ARHGEF26: variants seen among roughly 807,000 people sequenced by gnomAD.
ARHGEF26 encodes Rho guanine nucleotide exchange factor (GEF) 26.
Under a neutral mutation model 89.4 loss-of-function variants are expected in ARHGEF26, and 59 were observed. That is an observed-to-expected ratio of 0.66 (90% CI 0.54 to 0.82). The LOEUF is 0.82. ARHGEF26 is among the 40% of genes least tolerant of loss of function. The pLI is 0.00. For synonymous variants in ARHGEF26, 500 were observed against 428.4 expected (o/e 1.17, Z -2.06); for missense variants, 1,234 against 1,085.6 (o/e 1.14, Z -1.92).
At chr3:154,178,232 A>G (rs1244082562) in intron 6 of ARHGEF26, among the ~76,000 whole-genome samples, 1 of 152,142 alleles carries the variant, frequency 6.6e-6, no homozygotes, top group East Asian at 1.9e-4. Context: ...AAATAAAAAT[A>G]AAAGCTTTAT....
chr3:154,196,886 GAAA>G (rs199937762), intron 9 of ARHGEF26, among the ~76,000 whole-genome samples: 1 of 138,528 alleles, frequency 7.2e-6, no homozygotes, highest in Non-Finnish European at 1.6e-5. Context: ...CTAAGAAATT[GAAA>G]AAAAAAAAGA....
At chr3:154,198,454 G>A (rs1315508707) in intron 9 of ARHGEF26, among the ~76,000 whole-genome samples, 1 of 152,098 alleles carries the variant, frequency 6.6e-6, no homozygotes, top group Non-Finnish European at 1.5e-5. Context: ...ACAATTTGCA[G>A]TTGCAAAAAT....
chr3:154,257,099 G>T lies in ARHGEF26; in HGVS notation c.*1626G>T, dbSNP rs894157762. The T allele has an allele frequency of 8.1e-7, 1 of 1,236,966 alleles. No homozygotes were observed. The highest frequency in any genetic ancestry group is 1.1e-6 in the Non-Finnish European group (1 of 931,042). 76.6% of individuals were successfully genotyped at this position (1,236,966 alleles called of 1,614,324 possible). Reference sequence around the variant, plus strand: ...TTATCCAAATTGTAAAGCTACAGAAGCCCAGTTGAGGGGTAAGTGTGCCTG... The same window carrying T: ...TTATCCAAATTGTAAAGCTACAGAATCCCAGTTGAGGGGTAAGTGTGCCTG... On this transcript the variant is annotated 3_prime_UTR_variant, in exon 15 of 15. Coordinates refer to ENST00000465093, the MANE Select transcript of ARHGEF26 (RefSeq NM_015595.4).
chr3:154,178,019 C>T (rs765085562), intron 6 of ARHGEF26, among the ~76,000 whole-genome samples: 27 of 151,980 alleles, frequency 1.8e-4, no homozygotes, highest in Non-Finnish European at 3.8e-4. Flanking sequence ...GCCTGGCCAA[C>T]CTGGTGAACC....
At position 154,150,757 on chromosome 3, in the gene ARHGEF26, T is replaced by C. The variant is rs546935989; in HGVS notation, c.1326+1312T>C. The stretch of plus-strand genomic sequence containing the variant: ...CCAAGATATTAATCCCATTTGAACA[T>C]TTTTGTTCTTTTAAACCTTATATAA... On this transcript the variant is annotated intron_variant, in intron 5 of 14. Coordinates refer to ENST00000465093, the MANE Select transcript of ARHGEF26 (RefSeq NM_015595.4). Among the ~76,000 whole-genome samples the C allele has an allele frequency of 2.6e-5, 4 of 152,296 alleles. No individual in the cohort carries two copies. The South Asian group carries it at 8.3e-4, about 32-fold the overall frequency.
intron 6 of ARHGEF26, among the ~76,000 whole-genome samples, chr3:154,155,424 C>T (rs934860726): frequency 6.6e-6 from 1 of 151,854 alleles, no homozygotes; most frequent in Non-Finnish European, 1.5e-5. Flanking sequence ...GAATTATCTG[C>T]TTAATAAGAA....
At chr3:154,227,520 A>C (rs1716567644) in intron 11 of ARHGEF26, among the ~76,000 whole-genome samples, 1 of 152,138 alleles carries the variant, frequency 6.6e-6, no homozygotes, top group South Asian at 2.1e-4. Flanking sequence ...TGACCTCGTG[A>C]TCTGCCTGCC....
At chr3:154,183,706 T>A (rs1448174285) in intron 6 of ARHGEF26, among the ~76,000 whole-genome samples, 1 of 152,202 alleles carries the variant, frequency 6.6e-6, no homozygotes, top group Non-Finnish European at 1.5e-5. Flanking sequence ...GGTGGGTGGT[T>A]TGGTTTATAT....
rs756726624 is a variant in ARHGEF26 at position 154,253,124 on chromosome 3, G to A, written c.2309G>A (p.Arg770Gln). 2.0e-5 allele frequency: 32 copies of A among 1,613,846 alleles called. No homozygotes were observed. In the East Asian group the frequency reaches 5.3e-4, roughly 27 times the overall value. ...TCTGCCCTCTGTTTTAGGAGCGAGC[G>A]AGCCCGCTGGATAACTGCCCTGGGA... ...MLLGAETQSE[R>Q]ARWITALGHS... Residue 770 changes from arginine to glutamine, a missense_variant, in exon 13 of 15, where the codon CGA becomes CAA. By Grantham distance (43) the Arg-to-Gln change is conservative. Coordinates refer to ENST00000465093, the MANE Select transcript of ARHGEF26 (RefSeq NM_015595.4).
At chr3:154,151,814 A>G (rs538156449) in intron 5 of ARHGEF26, among the ~76,000 whole-genome samples, 2 of 152,300 alleles carry the variant, frequency 1.3e-5, no homozygotes, top group South Asian at 2.1e-4. Context: ...ACCCAGCCAC[A>G]GTACCCTCTG....
chr3:154,205,658 T>C (rs1156657340), intron 9 of ARHGEF26, among the ~76,000 whole-genome samples: 1 of 152,178 alleles, frequency 6.6e-6, no homozygotes, highest in Non-Finnish European at 1.5e-5. Flanking sequence ...TTTTTATTTT[T>C]TGTGTTTAAG....
chr3:154,219,414 A>T (rs1295560131), intron 10 of ARHGEF26, among the ~76,000 whole-genome samples: 1 of 151,892 alleles, frequency 6.6e-6, no homozygotes, highest in African/African-American at 2.4e-5. Flanking sequence ...GACCAACGTG[A>T]TGAAACCCTG....
At position 154,206,052 on chromosome 3, in the gene ARHGEF26, G is replaced by A. The variant is rs545696126; in HGVS notation, c.1845+11334G>A. ...CTTTCTGATTGAAGTACTTCCTTTA[G>A]CATTTCTTGCAGGAAAGGTCTAGTG... On this transcript the variant is annotated intron_variant, in intron 9 of 14. Coordinates refer to ENST00000465093, the MANE Select transcript of ARHGEF26 (RefSeq NM_015595.4). Among the ~76,000 whole-genome samples the A allele has an allele frequency of 6.6e-5, 10 of 151,968 alleles. 1 individual carries two copies. The South Asian group carries it at 2.1e-3, about 32-fold the overall frequency.
intron 10 of ARHGEF26, among the ~76,000 whole-genome samples, chr3:154,219,026 C>T (rs1447663339): frequency 6.6e-6 from 1 of 152,112 alleles, no homozygotes; most frequent in Admixed American, 6.5e-5. Context: ...GGGTATTTGC[C>T]AAAAACCAGA....
At chr3:154,162,886 A>C (rs1350158889) in intron 6 of ARHGEF26, among the ~76,000 whole-genome samples, 5 of 152,228 alleles carry the variant, frequency 3.3e-5, no homozygotes, top group Non-Finnish European at 7.3e-5. Context: ...TATGATAATC[A>C]TACAAATGCA....
Position 154,257,015 on chromosome 3 carries a change from A to G in ARHGEF26, c.*1542A>G. The G allele has an allele frequency of 1.3e-6, 2 of 1,490,714 alleles. No individual in the cohort carries two copies. Among genetic ancestry groups the G allele is most frequent in the Non-Finnish European group, 1.8e-6 (2 of 1,127,076 alleles). 92.3% of individuals were successfully genotyped at this position (1,490,714 alleles called of 1,614,324 possible). The stretch of plus-strand genomic sequence containing the variant: ...AAAGGGATAAAACCTGGCAAAGTGT[A>G]CATTATTGGAGGACTCAAATCTGTA... On this transcript the variant is annotated 3_prime_UTR_variant, in exon 15 of 15. Transcript: ENST00000465093.
intron 7 of ARHGEF26, among the ~76,000 whole-genome samples, chr3:154,188,911 C>T (rs1214415784): frequency 1.3e-5 from 2 of 152,150 alleles, no homozygotes; most frequent in African/African-American, 4.8e-5. Flanking sequence ...GCACAATTGA[C>T]ATTTTGGACT....
chr3:154,122,430 C>G lies in ARHGEF26; in HGVS notation c.438C>G (p.Pro146=), dbSNP rs968027185. Residue 146 remains proline (P), a synonymous_variant, in exon 2 of 15, where the codon CCC becomes CCG. Coordinates refer to ENST00000465093, the MANE Select transcript of ARHGEF26 (RefSeq NM_015595.4). The part of the protein sequence containing the change: ...PAPPPPPVLR[P]PRTPNAPAPC... Reference sequence around the variant, plus strand: ...CGCCGCCGCCGCCGGTTCTGCGCCCCCCGCGGACTCCTAACGCGCCCGCCC... The same window carrying G: ...CGCCGCCGCCGCCGGTTCTGCGCCCGCCGCGGACTCCTAACGCGCCCGCCC... 2 of 1,611,232 alleles carry G rather than the reference C, an allele frequency of 1.2e-6. No individual in the cohort carries two copies. Among genetic ancestry groups the G allele is most frequent in the Non-Finnish European group, 1.7e-6 (2 of 1,179,088 alleles).
chr3:154,213,386 C>G (rs1715513336), intron 9 of ARHGEF26, among the ~76,000 whole-genome samples: 1 of 152,048 alleles, frequency 6.6e-6, no homozygotes, highest in African/African-American at 2.4e-5. Flanking sequence ...TCAATAAAAA[C>G]AGCAGAACAT....
Sources: gnomAD v4.1 joint callset for allele counts (sites outside exome capture counted in the v4.1 genomes callset) on GRCh38, gnomAD v4.1.1 for gene constraint, MANE v1.5 for transcripts, NCBI Gene and HGNC (gene_info 2026-07-23, HGNC 2026-07-21) for gene names.